Variants in TBX18 observed in about 807,000 individuals in gnomAD.
The protein encoded by TBX18 is T-box transcription factor TBX18.
TBX18 carries 21 observed loss-of-function variants against 55.0 expected under a neutral mutation model. That is an observed-to-expected ratio of 0.38 (90% confidence interval 0.27 to 0.55). The LOEUF (loss-of-function observed/expected upper bound fraction) is 0.55, where lower values mean the gene tolerates loss of function less well. Among genes scored for constraint, TBX18 ranks in the 20% least tolerant of loss-of-function variants. TBX18 has a pLI of 0.73. For synonymous variants in TBX18, 342 were observed against 326.1 expected (o/e 1.05, Z -0.53); for missense variants, 840 against 799.6 (o/e 1.05, Z -0.61).
chr6:84,762,688 G>C lies in TBX18; in HGVS notation c.353C>G (p.Pro118Arg). The C allele has an allele frequency of 6.2e-7, 1 of 1,611,052 alleles. No homozygotes were observed. Among genetic ancestry groups the C allele is most frequent in the South Asian group, 1.1e-5 (1 of 90,896 alleles). ...CAGGGAGCGCGCCGGAGACCCCTTG[G>C]GGGAGCCTCCCGGTGACGCCAGAGG... ...ASPLASPGGS[P>R]KGSPARSLAR... Residue 118 changes from proline to arginine, a missense_variant, in exon 2 of 8, where the codon CCC becomes CGC. Transcript: ENST00000369663.
At chr6:84,751,663 T>C (rs1767353484) in intron 4 of TBX18, among the ~76,000 whole-genome samples, 1 of 152,224 alleles carries the variant, frequency 6.6e-6, no homozygotes, top group Admixed American at 6.5e-5. Context: ...CAGATCTATA[T>C]GGAGTTCTCA....
At position 84,734,473 on chromosome 6, in the gene TBX18, A is replaced by C; in HGVS notation, c.*2212T>G. The C allele has an allele frequency of 6.6e-6, 1 of 152,566 alleles. No individual in the cohort carries two copies. The highest frequency in any genetic ancestry group is 1.9e-4 in the East Asian group (1 of 5,196). 9.5% of individuals were successfully genotyped at this position (152,566 alleles called of 1,614,324 possible). ...AATAACATATTTTAATATAATTTTA[A>C]GTACTTTTTAATAAAATACAGATAT... On this transcript the variant is annotated 3_prime_UTR_variant, in exon 8 of 8. Coordinates refer to ENST00000369663, the MANE Select transcript of TBX18 (RefSeq NM_001080508.3).
chr6:84,757,956 T>C (rs1028457847), intron 3 of TBX18, among the ~76,000 whole-genome samples: 1 of 152,224 alleles, frequency 6.6e-6, no homozygotes, highest in Admixed American at 6.5e-5. Context: ...ACATTTCTTT[T>C]TATAAGAGCA....
rs761566337 is a variant in TBX18, at chr6:84,760,282, A to G, written c.572T>C (p.Ile191Thr). 6.2e-7 allele frequency: 1 copy of G among 1,605,258 alleles called. No homozygotes were observed. The highest frequency in any genetic ancestry group is 2.2e-5 in the East Asian group (1 of 44,750). Residue 191 changes from isoleucine (I) to threonine (T), a missense_variant, in exon 3 of 8, where the codon ATT becomes ACT. Transcript: ENST00000369663. Reference sequence around the variant, plus strand: ...GTATCTTTTGTTGTCCACTGGTACAATATCCATGGCAATGTAATATTGCTG... The same window carrying G: ...GTATCTTTTGTTGTCCACTGGTACAGTATCCATGGCAATGTAATATTGCTG... ...PHQQYYIAMD[I>T]VPVDNKRYRY... is the part of the protein sequence containing the mutation.
chr6:84,751,877 T>G (rs748579923), intron 4 of TBX18, among the ~76,000 whole-genome samples: 4 of 152,328 alleles, frequency 2.6e-5, no homozygotes, highest in Non-Finnish European at 5.9e-5. Flanking sequence ...ATTTGATTAT[T>G]AACTACCAAA....
At chr6:84,756,575 T>C in intron 4 of TBX18, 123 bp downstream of exon 4, 1 of 932,442 alleles carries the variant, frequency 1.1e-6, no homozygotes, top group African/African-American at 1.6e-5. Flanking sequence ...GCAAAGACAG[T>C]GTACATACTA....
chr6:84,741,504 T>C (rs563562863), intron 6 of TBX18: 3 of 152,296 alleles, frequency 2.0e-5, no homozygotes, highest in South Asian at 2.1e-4. Flanking sequence ...GGAGAGCTTT[T>C]AAGGGCCGAA....
Position 84,737,254 on chromosome 6 carries a change from C to A in TBX18, c.1255G>T (p.Ala419Ser). 1 of 1,608,800 alleles carries A rather than the reference C, an allele frequency of 6.2e-7. No individual in the cohort carries two copies. Residue 419 changes from alanine to serine, a missense_variant, in exon 8 of 8, where the codon GCC (alanine) becomes TCC (serine). Physicochemically the swap from Ala to Ser is moderately conservative, Grantham distance 99 (BLOSUM62 1). Coordinates refer to ENST00000369663, the MANE Select transcript of TBX18 (RefSeq NM_001080508.3). Reference sequence around the variant, plus strand: ...AGGGTGAGGCCTGAGCGGGCACAGGCAGAATAGTCAGCAGGGGCCAGACTA... The same window carrying A: ...AGGGTGAGGCCTGAGCGGGCACAGGAAGAATAGTCAGCAGGGGCCAGACTA... ...LCSLAPADYSACARSGLTLNR... is the reference protein window; with the variant it reads ...LCSLAPADYSSCARSGLTLNR...
chr6:84,744,473 A>G, intron 5 of TBX18, 148 bp from the exon 6 acceptor site: 1 of 610,214 alleles, frequency 1.6e-6, no homozygotes, highest in Non-Finnish European at 2.8e-6. Flanking sequence ...TTAATATCCT[A>G]GCAGTAAAGC....
chr6:84,744,620 G>C (rs1767133917), intron 5 of TBX18, among the ~76,000 whole-genome samples: 1 of 152,078 alleles, frequency 6.6e-6, no homozygotes, highest in Non-Finnish European at 1.5e-5. Flanking sequence ...TGAATCATCT[G>C]TTGGTAACGT....
At chr6:84,738,110 C>T (rs1766933158) in intron 7 of TBX18, among the ~76,000 whole-genome samples, 1 of 152,136 alleles carries the variant, frequency 6.6e-6, no homozygotes, top group African/African-American at 2.4e-5. Context: ...GTTAACCCAA[C>T]AGGAGAACCC....
At chr6:84,759,481 G>C (rs1767588375) in intron 3 of TBX18, among the ~76,000 whole-genome samples, 1 of 151,668 alleles carries the variant, frequency 6.6e-6, no homozygotes, top group Non-Finnish European at 1.5e-5. Context: ...TTATTTAAAT[G>C]TTAATGTTTT....
intron 6 of TBX18, chr6:84,741,539 T>G (rs1057358025): frequency 1.3e-5 from 2 of 152,220 alleles, no homozygotes; most frequent in African/African-American, 4.8e-5. Context: ...TAAAATAGGC[T>G]GTGCAGCCAT....
rs1262553318 is a variant in TBX18 at position 84,734,465 on chromosome 6, T to A, written c.*2220A>T. 1 of 152,556 alleles carries A rather than the reference T, an allele frequency of 6.6e-6. No homozygotes were observed. The highest frequency in any genetic ancestry group is 2.4e-5 in the African/African-American group (1 of 41,450). 9.5% of individuals were successfully genotyped at this position (152,556 alleles called of 1,614,324 possible). Reference sequence around the variant, plus strand: ...AAGGGTTTAATAACATATTTTAATATAATTTTAAGTACTTTTTAATAAAAT... The same window carrying A: ...AAGGGTTTAATAACATATTTTAATAAAATTTTAAGTACTTTTTAATAAAAT... On this transcript the variant is annotated 3_prime_UTR_variant, in exon 8 of 8. Coordinates refer to ENST00000369663, the MANE Select transcript of TBX18 (RefSeq NM_001080508.3).
intron 7 of TBX18, 142 bp downstream of exon 7, chr6:84,738,355 C>A: frequency 1.3e-6 from 1 of 744,928 alleles, no homozygotes; most frequent in Non-Finnish European, 2.4e-6. Context: ...CCATACCATG[C>A]AGAAGACAGA....
chr6:84,744,125 C>G (rs949179396), intron 6 of TBX18, 136 bp downstream of exon 6: 1 of 783,872 alleles, frequency 1.3e-6, no homozygotes, highest in Non-Finnish European at 2.0e-6. Context: ...AAGTTATCTC[C>G]GAGGCACAAC....
chr6:84,759,307 C>G (rs544362897), intron 3 of TBX18, among the ~76,000 whole-genome samples: 3 of 149,112 alleles, frequency 2.0e-5, no homozygotes, highest in Non-Finnish European at 4.4e-5. Flanking sequence ...TAGGCTATTT[C>G]AAAAAAGCGA....
At chr6:84,743,165 C>T (rs573103772) in intron 6 of TBX18, among the ~76,000 whole-genome samples, 16 of 152,300 alleles carry the variant, frequency 1.1e-4, no homozygotes, top group African/African-American at 3.8e-4. Context: ...GATCTACCTG[C>T]ACTAAGTTGA....
At position 84,764,242 on chromosome 6, in the gene TBX18, C is replaced by T; in HGVS notation, c.-61G>A. 7.3e-7 allele frequency: 1 copy of T among 1,378,342 alleles called. No homozygotes were observed. The highest frequency in any genetic ancestry group is 1.6e-5 in the South Asian group (1 of 60,796). 85.4% of individuals were successfully genotyped at this position (1,378,342 alleles called of 1,614,324 possible). A position where few individuals can be genotyped will look rare whatever the true frequency, so the allele number is the denominator to read the frequency against. On this transcript the variant is annotated 5_prime_UTR_variant, in exon 1 of 8. Coordinates refer to ENST00000369663, the MANE Select transcript of TBX18 (RefSeq NM_001080508.3). ...ATACACTCACGCGGGCACACGCGCG[C>T]TCTCGCTCTTCCCCCACCAAAAACT...
Sources: gnomAD v4.1 joint callset for allele counts (sites outside exome capture counted in the v4.1 genomes callset) on GRCh38, gnomAD v4.1.1 for gene constraint, MANE v1.5 for transcripts, NCBI Gene and HGNC (gene_info 2026-07-23, HGNC 2026-07-21) for gene names.